Variants in ZNF618 observed in about 807,000 individuals in gnomAD.
The protein encoded by ZNF618 is neural precursor cell expressed, developmentally down-regulated 10.
Under a neutral mutation model 103.0 loss-of-function variants are expected in ZNF618, and 34 were observed. The observed-to-expected ratio is 0.33, with a 90% CI of 0.25 to 0.44. ZNF618 has a LOEUF of 0.44. ZNF618 is among the 20% of genes least tolerant of loss of function. The pLI is 1.00. For missense variants in ZNF618, 1,059 were observed against 1,295.4 expected, an observed-to-expected ratio of 0.82 and a Z score of 2.80; for synonymous variants, 551 against 542.2, an observed-to-expected ratio of 1.02 and a Z score of -0.23.
intron 12 of ZNF618, among the ~76,000 whole-genome samples, chr9:114,035,533 G>A (rs1235766385): frequency 1.3e-5 from 2 of 152,138 alleles, no homozygotes; most frequent in South Asian, 2.1e-4. Context: ...CACCTCTTCC[G>A]AGCCCCATCG....
chr9:114,024,643 G>A (rs80032614), intron 10 of ZNF618, among the ~76,000 whole-genome samples: 3 of 152,144 alleles, frequency 2.0e-5, no homozygotes, highest in Non-Finnish European at 2.9e-5. Flanking sequence ...GAAGTATTGA[G>A]CAAGGTCTCG....
At chr9:113,925,000 T>G (rs191970209) in intron 1 of ZNF618, among the ~76,000 whole-genome samples, 99 of 152,038 alleles carry the variant, frequency 6.5e-4, no homozygotes, top group African/African-American at 1.9e-3. Flanking sequence ...TATTGTGGTG[T>G]TGTTGGATGC....
At chr9:113,889,816 CCAAT>C (rs1341480874) in intron 1 of ZNF618, among the ~76,000 whole-genome samples, 9 of 152,158 alleles carry the variant, frequency 5.9e-5, no homozygotes, top group Non-Finnish European at 1.0e-4. Flanking sequence ...TCTGTCTATC[CCAAT>C]CACCTAACAC....
chr9:114,012,630 A>G (rs1237386279), intron 9 of ZNF618, among the ~76,000 whole-genome samples: 1 of 152,208 alleles, frequency 6.6e-6, no homozygotes, highest in Admixed American at 6.5e-5. Context: ...TGAGACGAGG[A>G]AGGATTTCAG....
chr9:113,942,851 C>T (rs1834673347), intron 1 of ZNF618, among the ~76,000 whole-genome samples: 1 of 152,150 alleles, frequency 6.6e-6, no homozygotes, highest in African/African-American at 2.4e-5. Context: ...TCAAGAAATG[C>T]TTGTTTGCTC....
chr9:114,006,108 TC>T (rs34816314), intron 6 of ZNF618, among the ~76,000 whole-genome samples: 1 of 152,150 alleles, frequency 6.6e-6, no homozygotes, highest in East Asian at 1.9e-4. Context: ...GCCATTTGTG[TC>T]CCTAAGTTCA....
intron 7 of ZNF618, among the ~76,000 whole-genome samples, chr9:114,008,123 C>T (rs567695641): frequency 7.9e-5 from 12 of 152,350 alleles, no homozygotes; most frequent in South Asian, 4.1e-4. Context: ...CTAGTGAGGA[C>T]GAGGGATTGA....
chr9:113,952,411 T>C (rs979478783), intron 1 of ZNF618, among the ~76,000 whole-genome samples: 1 of 152,200 alleles, frequency 6.6e-6, no homozygotes, highest in African/African-American at 2.4e-5. Flanking sequence ...TGGGTGTCTG[T>C]CCACCCCCTG....
At chr9:113,897,183 C>G (rs1830104864) in intron 1 of ZNF618, among the ~76,000 whole-genome samples, 1 of 152,064 alleles carries the variant, frequency 6.6e-6, no homozygotes, top group African/African-American at 2.4e-5. Context: ...TTTGTTTCAT[C>G]TAATTACAGT....
At chr9:113,989,771 A>G (rs543180683) in intron 3 of ZNF618, among the ~76,000 whole-genome samples, 1 of 152,302 alleles carries the variant, frequency 6.6e-6, no homozygotes, top group East Asian at 1.9e-4. Context: ...GTTGTTGAGA[A>G]TCATCCTTAA....
At chr9:113,988,818 C>T (rs770447788) in intron 3 of ZNF618, among the ~76,000 whole-genome samples, 1 of 152,212 alleles carries the variant, frequency 6.6e-6, no homozygotes, top group African/African-American at 2.4e-5. Flanking sequence ...TCCATCAATA[C>T]CCTGTTTAAG....
At chr9:113,988,956 A>C (rs977958301) in intron 3 of ZNF618, among the ~76,000 whole-genome samples, 1 of 152,142 alleles carries the variant, frequency 6.6e-6, no homozygotes, top group Non-Finnish European at 1.5e-5. Context: ...TGGAGATCCC[A>C]GTGCCGGTGC....
intron 1 of ZNF618, among the ~76,000 whole-genome samples, chr9:113,888,231 G>A (rs953866721): frequency 6.6e-6 from 1 of 152,180 alleles, no homozygotes; most frequent in African/African-American, 2.4e-5. Context: ...ACTTGCCCAG[G>A]ATGTGGAGTC....
chr9:113,931,797 C>A (rs554892187), intron 1 of ZNF618, among the ~76,000 whole-genome samples: 4 of 152,254 alleles, frequency 2.6e-5, no homozygotes, highest in South Asian at 4.1e-4. Context: ...TTAAAAAATA[C>A]AATAGTAAAA....
At chr9:114,025,868 C>A (rs550057314) in intron 10 of ZNF618, among the ~76,000 whole-genome samples, 2 of 152,354 alleles carry the variant, frequency 1.3e-5, no homozygotes, top group African/African-American at 4.8e-5. Flanking sequence ...CGCATTGATA[C>A]ATGGATTCCA....
At chr9:113,988,213 G>A (rs2133292903) in intron 2 of ZNF618, 108 bp from the exon 3 acceptor site, 2 of 1,420,714 alleles carry the variant, frequency 1.4e-6, no homozygotes, top group Non-Finnish European at 1.9e-6. Context: ...GGGGGCCCTA[G>A]AATTCACTAT....
intron 1 of ZNF618, among the ~76,000 whole-genome samples, chr9:113,879,296 C>G (rs747653606): frequency 5.9e-5 from 9 of 151,530 alleles, no homozygotes; most frequent in Non-Finnish European, 1.2e-4. Context: ...ACACACAATT[C>G]AGCTTCCTTC....
At chr9:113,988,179 G>A (rs1588247814) in intron 2 of ZNF618, 142 bp from the exon 3 acceptor site, 2 of 1,103,344 alleles carry the variant, frequency 1.8e-6, no homozygotes, top group Non-Finnish European at 2.5e-6. Context: ...AGCCGTGGGG[G>A]TTGTGTGGGA....
chr9:113,927,156 CTAG>C (rs1390763670), intron 1 of ZNF618, among the ~76,000 whole-genome samples: 2 of 152,030 alleles, frequency 1.3e-5, no homozygotes, highest in African/African-American at 4.8e-5. Context: ...CATGTTGTAT[CTAG>C]TAGTAGGTAC....
Sources: allele counts gnomAD v4.1 joint callset (sites outside exome capture counted in the v4.1 genomes callset), GRCh38; gene constraint gnomAD v4.1.1; transcripts MANE v1.5; gene names NCBI Gene and HGNC (gene_info 2026-07-23, HGNC 2026-07-21).